The following MAPK8IP3 variants were observed in gnomAD, a reference collection of about 807,000 sequenced individuals.
MAPK8IP3 encodes mitogen-activated protein kinase 8 interacting protein 3, also known as C-Jun-amino-terminal kinase-interacting protein 3.
Under a neutral mutation model 157.8 loss-of-function variants are expected in MAPK8IP3, and 49 were observed. The ratio of observed to expected loss-of-function variants is 0.31; its 90% CI spans 0.25 to 0.39. MAPK8IP3 has a LOEUF of 0.39. MAPK8IP3 is among the 10% of genes least tolerant of loss of function. MAPK8IP3 has a pLI of 1.00. For synonymous variants in MAPK8IP3, 897 were observed against 777.7 expected (o/e 1.15, Z -2.55); for missense variants, 1,478 against 1,889.4 (o/e 0.78, Z 4.04).
In MAPK8IP3 at chr16:1,766,708, C is replaced by T. The variant is rs757323267; in HGVS notation, c.2940-15C>T. 3.6e-5 allele frequency: 58 copies of T among 1,612,586 alleles called. No individual in the cohort carries two copies. The highest frequency in any genetic ancestry group is 6.7e-5 in the Admixed American group (4 of 60,000). On this transcript the variant is annotated splice_polypyrimidine_tract_variant and intron_variant, in intron 23 of 31. Coordinates refer to ENST00000610761, the MANE Select transcript of MAPK8IP3 (RefSeq NM_001318852.2). ...CCTGGGTGAGCCCCTCGCCCATCGC[C>T]GCTTCCTTCCCTAGGCTCTATGTGC...
chr16:1,746,938 T>C (rs896436584), intron 5 of MAPK8IP3, 91 bp from the exon 6 acceptor site: 48 of 1,453,516 alleles, frequency 3.3e-5, no homozygotes, highest in Non-Finnish European at 4.0e-5. Context: ...GTGCAAAGCA[T>C]TGGTGCGCGG....
intron 8 of MAPK8IP3, among the ~76,000 whole-genome samples, chr16:1,749,796 C>G (rs2041186804): frequency 1.3e-5 from 2 of 152,208 alleles, no homozygotes; most frequent in East Asian, 3.8e-4. Context: ...ATTGTCTTAT[C>G]TGGGGCAGGG....
At chr16:1,728,957 A>C (rs988276471) in intron 2 of MAPK8IP3, among the ~76,000 whole-genome samples, 181 bp from the exon 3 acceptor site, 11 of 149,586 alleles carry the variant, frequency 7.4e-5, no homozygotes, top group African/African-American at 7.4e-5. Flanking sequence ...GTGTTCTCCC[A>C]TCGCACAACG....
intron 8 of MAPK8IP3, among the ~76,000 whole-genome samples, chr16:1,754,036 A>C (rs1043646275): frequency 6.6e-6 from 1 of 151,842 alleles, no homozygotes; most frequent in Middle Eastern, 3.2e-3. Flanking sequence ...AACTGAGTGC[A>C]GTGGCAGGTA....
chr16:1,763,205 G>A (rs1269530946), intron 16 of MAPK8IP3, among the ~76,000 whole-genome samples, 199 bp downstream of exon 16: 3 of 152,230 alleles, frequency 2.0e-5, no homozygotes, highest in Non-Finnish European at 4.4e-5. Flanking sequence ...TTGGCTCCAC[G>A]GTATTTGGTT....
intron 1 of MAPK8IP3, among the ~76,000 whole-genome samples, chr16:1,708,650 G>A (rs945815985): frequency 1.3e-4 from 20 of 152,162 alleles, no homozygotes; most frequent in African/African-American, 2.2e-4. Context: ...GCGGGTGTGC[G>A]TGTGGTTTGC....
intron 2 of MAPK8IP3, among the ~76,000 whole-genome samples, chr16:1,727,228 G>A (rs1384612579): frequency 5.4e-5 from 8 of 149,520 alleles, no homozygotes; most frequent in Non-Finnish European, 8.9e-5. Flanking sequence ...TCTGAGTGAC[G>A]TGTGCTATGT....
intron 4 of MAPK8IP3, among the ~76,000 whole-genome samples, chr16:1,737,084 C>T (rs2039988587): frequency 1.5e-5 from 1 of 64,822 alleles, no homozygotes; most frequent in African/African-American, 6.1e-5. Flanking sequence ...GTGTGACCGT[C>T]CGTGTGAGTG....
rs2042023290 is a variant in MAPK8IP3 at position 1,762,712 on chromosome 16, A to T, written c.1708A>T (p.Lys570Ter). The change falls in exon 15 of 32, where the codon AAG becomes TAG. Residue 570 changes from lysine to a stop codon, truncating the protein, a stop_gained. Coordinates refer to ENST00000610761, the MANE Select transcript of MAPK8IP3 (RefSeq NM_001318852.2). LOFTEE classifies it high-confidence loss of function. Reference sequence around the variant, plus strand: ...GCACCCATCCGTCCAGGAGAAGAAGAAGTCGACCATCTGGCAGTTGTAAGC... The same window carrying T: ...GCACCCATCCGTCCAGGAGAAGAAGTAGTCGACCATCTGGCAGTTGTAAGC... The part of the protein sequence containing the change: ...REHPSVQEKK[K>*]STIWQFFSRL... 3 of 1,573,644 alleles carry T rather than the reference A, an allele frequency of 1.9e-6. No individual in the cohort carries two copies. Among genetic ancestry groups the T allele is most frequent in the Non-Finnish European group, 2.6e-6 (3 of 1,157,916 alleles).
chr16:1,710,392 G>A lies in MAPK8IP3; in HGVS notation c.318+3735G>A, dbSNP rs2037694106. 6.6e-6 allele frequency among the ~76,000 whole-genome samples: 1 copy of A among 152,168 alleles called. No individual in the cohort carries two copies. The highest frequency in any genetic ancestry group is 1.9e-4 in the East Asian group (1 of 5,196). On this transcript the variant is annotated intron_variant, in intron 1 of 31. Coordinates refer to ENST00000610761, the MANE Select transcript of MAPK8IP3 (RefSeq NM_001318852.2). The surrounding 1 kb of genome is among the most constrained non-coding windows in gnomAD (Gnocchi z 4.1). ...GGAGGCTGAGGCAGGAGAATCACTT[G>A]AACCCAGGAGGCAGATGTTGTGGTG... is the stretch of plus-strand genomic sequence containing the variant.
In MAPK8IP3 at chr16:1,763,803, G is replaced by C; in HGVS notation, c.2025+20G>C. On this transcript the variant is annotated intron_variant, in intron 17 of 31. Coordinates refer to ENST00000610761, the MANE Select transcript of MAPK8IP3 (RefSeq NM_001318852.2). The stretch of plus-strand genomic sequence containing the variant: ...AAGCAGGTGCGGGCGGGCGCTGCGG[G>C]GACCGGGCGGGGCCCCGCAGAGGCG... The C allele has an allele frequency of 6.7e-7, 1 of 1,483,310 alleles. No homozygotes were observed. The highest frequency in any genetic ancestry group is 1.3e-5 in the South Asian group (1 of 77,014). 91.9% of individuals were successfully genotyped at this position (1,483,310 alleles called of 1,614,324 possible).
At chr16:1,736,851 T>TGTGAGC (rs1379109756) in intron 4 of MAPK8IP3, among the ~76,000 whole-genome samples, 1 of 74,284 alleles carries the variant, frequency 1.3e-5, no homozygotes, top group African/African-American at 5.6e-5. Flanking sequence ...TGACCGTCCG[T>TGTGAGC]GTGTGACCGT....
intron 13 of MAPK8IP3, 135 bp from the exon 14 acceptor site, chr16:1,762,216 C>A: frequency 8.1e-7 from 1 of 1,235,940 alleles, no homozygotes; most frequent in Non-Finnish European, 1.1e-6. Flanking sequence ...CGACACCCCT[C>A]CACACCGCTT....
chr16:1,747,072 C>T lies in MAPK8IP3; in HGVS notation c.791C>T (p.Ala264Val), dbSNP rs764323175. Reference sequence around the variant, plus strand: ...TCCGAGTCAGGCCAGTCCTCGGCGGCCGCCACACCCAGCACCACAGGCACC... The same window carrying T: ...TCCGAGTCAGGCCAGTCCTCGGCGGTCGCCACACCCAGCACCACAGGCACC... ...EMSESGQSSAAATPSTTGTKS... is the reference protein window; with the variant it reads ...EMSESGQSSAVATPSTTGTKS... Residue 264 changes from alanine to valine, a missense_variant, in exon 6 of 32, where the codon GCC (alanine) becomes GTC (valine). Ala to Val is a moderately conservative substitution (Grantham distance 64). Transcript: ENST00000610761. 7 of 1,613,478 alleles carry T rather than the reference C, an allele frequency of 4.3e-6. No individual in the cohort carries two copies. In the East Asian group the frequency reaches 1.3e-4, roughly 31 times the overall value.
At chr16:1,763,084 C>A in intron 16 of MAPK8IP3, 78 bp downstream of exon 16, 1 of 1,571,926 alleles carries the variant, frequency 6.4e-7, no homozygotes, top group Non-Finnish European at 8.7e-7. Context: ...CCCCTCCAGG[C>A]CCTGAAGCGG....
chr16:1,714,740 G>C lies in MAPK8IP3; in HGVS notation c.318+8083G>C, dbSNP rs1291934689. On this transcript the variant is annotated intron_variant, in intron 1 of 31. Coordinates refer to ENST00000610761, the MANE Select transcript of MAPK8IP3 (RefSeq NM_001318852.2). The stretch of plus-strand genomic sequence containing the variant: ...GTCTCTATGTCCCTGCCTCGGGTTA[G>C]AGCATTCATGTTTTGAGAGCAGGGA... Among the ~76,000 whole-genome samples, 5 of 152,244 alleles carry C rather than the reference G, an allele frequency of 3.3e-5. No individual in the cohort carries two copies. The East Asian group carries it at 7.7e-4, about 24-fold the overall frequency.
chr16:1,762,953 T>C lies in MAPK8IP3; in HGVS notation c.1845T>C (p.His615=). Residue 615 remains histidine (H), a synonymous_variant, in exon 16 of 32, where the codon CAT becomes CAC. Coordinates refer to ENST00000610761, the MANE Select transcript of MAPK8IP3 (RefSeq NM_001318852.2). ...CCGGCTTCAGCCAGCGCCGCAACCA[T>C]GCCATGTGCCCGATCTCGGCAGGCA... ...TTAGFSQRRN[H]AMCPISAGSR... The C allele has an allele frequency of 6.2e-7, 1 of 1,613,016 alleles. No homozygotes were observed. Among genetic ancestry groups the C allele is most frequent in the Non-Finnish European group, 8.5e-7 (1 of 1,179,986 alleles).
chr16:1,718,070 G>T (rs1054272071), intron 1 of MAPK8IP3, among the ~76,000 whole-genome samples: 3 of 151,914 alleles, frequency 2.0e-5, no homozygotes, highest in Admixed American at 2.0e-4. Flanking sequence ...AGCCAGGATG[G>T]TCTCGATCTC....
chr16:1,768,985 G>A lies in MAPK8IP3; in HGVS notation c.*161G>A, dbSNP rs1443326015. On this transcript the variant is annotated 3_prime_UTR_variant, in exon 32 of 32. Transcript: ENST00000610761. ...CCCCTCCAGCGGGCAGGGAGTGCGG[G>A]GATGCGGATCAGCTGGGAGGAGGAG... The A allele has an allele frequency of 6.3e-6, 5 of 789,086 alleles. No individual in the cohort carries two copies. Among genetic ancestry groups the A allele is most frequent in the African/African-American group, 3.5e-5 (2 of 57,612 alleles). The allele number at this position is 789,086 out of a possible 1,614,324, so 48.9% of individuals were successfully genotyped here. A position where few individuals can be genotyped will look rare whatever the true frequency, so the allele number is the denominator to read the frequency against.
Sources: allele counts gnomAD v4.1 joint callset (sites outside exome capture counted in the v4.1 genomes callset), GRCh38; gene constraint gnomAD v4.1.1; non-coding constraint Gnocchi (gnomAD v3.1); transcripts MANE v1.5; gene names NCBI Gene and HGNC (gene_info 2026-07-23, HGNC 2026-07-21).